Variants in RAB11FIP1 observed in about 807,000 individuals in gnomAD.
RAB11FIP1 encodes RAB11 family interacting protein 1, also known as rab11 family-interacting protein 1.
Under a neutral mutation model 83.1 loss-of-function variants are expected in RAB11FIP1, and 49 were observed. That is an observed-to-expected ratio of 0.59 (90% confidence interval 0.47 to 0.75). The LOEUF (loss-of-function observed/expected upper bound fraction) is 0.75. RAB11FIP1 is among the 30% of genes least tolerant of loss of function. The probability of loss-of-function intolerance (pLI) is 0.00; values close to 1 mark genes in which losing one functional copy is unlikely to be tolerated. For missense variants in RAB11FIP1, 1,536 were observed against 1,598.7 expected (o/e 0.96, Z 0.67); for synonymous variants, 670 against 656.0 (o/e 1.02, Z -0.33).
Position 37,859,413 on chromosome 8 carries a change from T to C in RAB11FIP1, c.*3482A>G, listed in dbSNP as rs189426396. 20 of 152,336 alleles carry C rather than the reference T, an allele frequency of 1.3e-4. No homozygotes were observed. Among genetic ancestry groups the C allele is most frequent in the Admixed American group, 1.2e-3 (19 of 15,296 alleles). The allele number at this position is 152,336 out of a possible 1,614,324, so 9.4% of individuals were successfully genotyped here. A position where few individuals can be genotyped will look rare whatever the true frequency, so the allele number is the denominator to read the frequency against. ...AACTGAGAAGCACATGCCTGTGTCT[T>C]CTTCATACCGGCATGTGCACACACA... On this transcript the variant is annotated 3_prime_UTR_variant, in exon 6 of 6. Coordinates refer to ENST00000330843, the MANE Select transcript of RAB11FIP1 (RefSeq NM_001002814.3).
At chr8:37,863,538 G>A (rs189949675) in intron 5 of RAB11FIP1, among the ~76,000 whole-genome samples, 40 of 152,258 alleles carry the variant, frequency 2.6e-4, no homozygotes, top group African/African-American at 9.4e-4. Context: ...ATGAGCCACC[G>A]TGCCCAGCCA....
At chr8:37,868,264 A>C (rs1806381834) in intron 5 of RAB11FIP1, among the ~76,000 whole-genome samples, 2 of 152,160 alleles carry the variant, frequency 1.3e-5, no homozygotes, top group Non-Finnish European at 2.9e-5. Flanking sequence ...TCTACTAAAA[A>C]TATAAAAATT....
intron 1 of RAB11FIP1, among the ~76,000 whole-genome samples, chr8:37,885,591 T>C (rs1211778852): frequency 2.0e-5 from 3 of 152,168 alleles, no homozygotes; most frequent in African/African-American, 7.2e-5. Context: ...CAAAAAGTCA[T>C]TTAAGTTTTC....
intron 1 of RAB11FIP1, chr8:37,877,789 G>A (rs1481193895): frequency 4.5e-5 from 17 of 380,348 alleles, no homozygotes; most frequent in African/African-American, 2.8e-4. Flanking sequence ...CCACCATCTC[G>A]GCTCACTGCA....
In RAB11FIP1 at chr8:37,894,291, C is replaced by T. The variant is rs372411025; in HGVS notation, c.371+4780G>A. ...TATGGACCTCTGTGGTCATCTATGT[C>T]GTTTTTCTGCATCCAACTCTCCCAG... On this transcript the variant is annotated intron_variant, in intron 1 of 5. Coordinates refer to ENST00000330843, the MANE Select transcript of RAB11FIP1 (RefSeq NM_001002814.3). Among the ~76,000 whole-genome samples, 8 of 152,214 alleles carry T rather than the reference C, an allele frequency of 5.3e-5. No homozygotes were observed. The East Asian group carries it at 9.6e-4, about 18-fold the overall frequency.
intron 1 of RAB11FIP1, among the ~76,000 whole-genome samples, chr8:37,889,775 A>G (rs914621913): frequency 6.6e-6 from 1 of 152,140 alleles, no homozygotes; most frequent in African/African-American, 2.4e-5. Flanking sequence ...GGAAGGGAAA[A>G]TAATTACACC....
rs1191568711 is a variant in RAB11FIP1 at position 37,859,895 on chromosome 8, C to T, written c.*3000G>A. On this transcript the variant is annotated 3_prime_UTR_variant, in exon 6 of 6. Coordinates refer to ENST00000330843, the MANE Select transcript of RAB11FIP1 (RefSeq NM_001002814.3). ...ACTAATGTCTCCTAATGGCTCAGAA[C>T]AGGCTAAAGCTTCTCCCAGATAACC... 6.6e-6 allele frequency: 1 copy of T among 152,334 alleles called. No homozygotes were observed. The highest frequency in any genetic ancestry group is 1.5e-5 in the Non-Finnish European group (1 of 68,058). The allele number at this position is 152,334 out of a possible 1,614,324, so 9.4% of individuals were successfully genotyped here.
intron 1 of RAB11FIP1, among the ~76,000 whole-genome samples, chr8:37,897,857 G>A (rs1807122588): frequency 6.6e-6 from 1 of 152,166 alleles, no homozygotes; most frequent in East Asian, 1.9e-4. Flanking sequence ...CAAGTATGAG[G>A]TAGGGGAAGG....
chr8:37,894,947 C>G (rs1398022289), intron 1 of RAB11FIP1, among the ~76,000 whole-genome samples: 1 of 149,338 alleles, frequency 6.7e-6, no homozygotes, highest in Non-Finnish European at 1.5e-5. Flanking sequence ...TTAGTAGAGA[C>G]AGGGTTCACC....
chr8:37,859,880 C>T lies in RAB11FIP1; in HGVS notation c.*3015G>A, dbSNP rs1016858286. 6.6e-6 allele frequency: 1 copy of T among 152,244 alleles called. No individual in the cohort carries two copies. Among genetic ancestry groups the T allele is most frequent in the African/African-American group, 2.4e-5 (1 of 41,448 alleles). 9.4% of individuals were successfully genotyped at this position (152,244 alleles called of 1,614,324 possible). A position where few individuals can be genotyped will look rare whatever the true frequency, so the allele number is the denominator to read the frequency against. On this transcript the variant is annotated 3_prime_UTR_variant, in exon 6 of 6. Coordinates refer to ENST00000330843, the MANE Select transcript of RAB11FIP1 (RefSeq NM_001002814.3). ...CCAGTGCTCCAATTCACTAATGTCT[C>T]CTAATGGCTCAGAACAGGCTAAAGC... is the stretch of plus-strand genomic sequence containing the variant.
In RAB11FIP1 at chr8:37,874,666, T is replaced by G; in HGVS notation, c.1471A>C (p.Thr491Pro). Residue 491 changes from threonine to proline, a missense_variant, in exon 3 of 6, where the codon ACT (threonine) becomes CCT (proline). Thr to Pro is a conservative substitution (Grantham distance 38, BLOSUM62 -1). Transcript: ENST00000330843. ...CCCTGTCTGGAGACAACAGCTGCAG[T>G]ATCTTTCTCAGATCTTCTCACAAGG... ...EDLVRRSEKDTAAVVSRQGSS... is the reference protein window; with the variant it reads ...EDLVRRSEKDPAAVVSRQGSS... 1 of 1,614,210 alleles carries G rather than the reference T, an allele frequency of 6.2e-7. No homozygotes were observed. The highest frequency in any genetic ancestry group is 8.5e-7 in the Non-Finnish European group (1 of 1,180,028).
At chr8:37,866,221 G>C (rs952030263) in intron 5 of RAB11FIP1, among the ~76,000 whole-genome samples, 2 of 152,026 alleles carry the variant, frequency 1.3e-5, no homozygotes. Context: ...TGTAGTCCCA[G>C]CTACTCGGGA....
In RAB11FIP1 at chr8:37,861,189, T is replaced by TAA. The variant is rs76238618; in HGVS notation, c.*1704_*1705dup. Reference sequence around the variant, plus strand: ...CTAAGAAGGAAGCAAGTGCCCTAGTTAAAAAAAAAAAAAGTCTATAAATCT... The same window carrying TAA: ...CTAAGAAGGAAGCAAGTGCCCTAGTTAAAAAAAAAAAAAAAGTCTATAAATCT... On this transcript the variant is annotated 3_prime_UTR_variant, in exon 6 of 6. Coordinates refer to ENST00000330843, the MANE Select transcript of RAB11FIP1 (RefSeq NM_001002814.3). 1,137 of 142,214 alleles carry TAA rather than the reference T, an allele frequency of 8.0e-3. 20 individuals are homozygous for TAA. Among genetic ancestry groups the TAA allele is most frequent in the African/African-American group, 0.028 (1,084 of 38,906 alleles). 8.8% of individuals were successfully genotyped at this position (142,214 alleles called of 1,614,324 possible).
At chr8:37,866,095 G>A (rs1417368646) in intron 5 of RAB11FIP1, among the ~76,000 whole-genome samples, 1 of 152,136 alleles carries the variant, frequency 6.6e-6, no homozygotes, top group Non-Finnish European at 1.5e-5. Context: ...CAGCACTTTG[G>A]GAGGCTGAAG....
At position 37,871,655 on chromosome 8, in the gene RAB11FIP1, G is replaced by T. The variant is rs543082155; in HGVS notation, c.3147C>A (p.Phe1049Leu). Residue 1049 changes from phenylalanine to leucine, a missense_variant, in exon 4 of 6, where the codon TTC (phenylalanine) becomes TTA (leucine). Transcript: ENST00000330843. ...TGCCAAGATGTGGTTTGTGAATTCCGAACTCTGTGGTCTGCTCTGAAGGAG... is the reference window on the plus strand; with the variant it reads ...TGCCAAGATGTGGTTTGTGAATTCCTAACTCTGTGGTCTGCTCTGAAGGAG... ...VTAPSEQTTE[F>L]GIHKPHLGKS... 3 of 1,612,140 alleles carry T rather than the reference G, an allele frequency of 1.9e-6. No individual in the cohort carries two copies. The highest frequency in any genetic ancestry group is 2.5e-6 in the Non-Finnish European group (3 of 1,178,606).
At chr8:37,887,649 C>T (rs1806860582) in intron 1 of RAB11FIP1, among the ~76,000 whole-genome samples, 1 of 151,822 alleles carries the variant, frequency 6.6e-6, no homozygotes, top group Non-Finnish European at 1.5e-5. Context: ...AGCTGAGAAA[C>T]CTTAGGCAAG....
At chr8:37,876,212 A>AG (rs757823171) in intron 2 of RAB11FIP1, among the ~76,000 whole-genome samples, 186 of 141,584 alleles carry the variant, frequency 1.3e-3, no homozygotes, top group East Asian at 0.01. Context: ...AAGAAAAGAA[A>AG]GAAAGGAAGG....
At position 37,871,415 on chromosome 8, in the gene RAB11FIP1, T is replaced by G; in HGVS notation, c.3387A>C (p.Lys1129Asn). 6.2e-7 allele frequency: 1 copy of G among 1,612,918 alleles called. No homozygotes were observed. The highest frequency in any genetic ancestry group is 2.2e-5 in the East Asian group (1 of 44,868). ...TACCAGCGGAGCCCTCTGCTGTGGCTTTTTTTTGAGATTCTGCTGTGCTGG... is the reference window on the plus strand; with the variant it reads ...TACCAGCGGAGCCCTCTGCTGTGGCGTTTTTTTGAGATTCTGCTGTGCTGG... The part of the protein sequence containing the change: ...HHTSTAESQK[K>N]ATAEGSAGRV... Residue 1129 changes from lysine to asparagine, a missense_variant, in exon 4 of 6, where the codon AAA (lysine) becomes AAC (asparagine). Lys to Asn is a moderately conservative substitution (Grantham distance 94). Coordinates refer to ENST00000330843, the MANE Select transcript of RAB11FIP1 (RefSeq NM_001002814.3).
In RAB11FIP1 at chr8:37,874,410, T is replaced by C. The variant is rs548371738; in HGVS notation, c.1622+105A>G. ...TAGACCAGCAAACCTTTGGCATATA[T>C]GGGTACTATGATATCATGGGACCCA... On this transcript the variant is annotated intron_variant, in intron 3 of 5. Transcript: ENST00000330843. 2.3e-5 allele frequency: 20 copies of C among 870,976 alleles called. No individual in the cohort carries two copies. In the East Asian group the frequency reaches 4.4e-4, roughly 19 times the overall value. The allele number at this position is 870,976 out of a possible 1,614,324, so 54.0% of individuals were successfully genotyped here. A position where few individuals can be genotyped will look rare whatever the true frequency, so the allele number is the denominator to read the frequency against.
Sources: allele counts gnomAD v4.1 joint callset (sites outside exome capture counted in the v4.1 genomes callset), GRCh38; gene constraint gnomAD v4.1.1; transcripts MANE v1.5; gene names NCBI Gene and HGNC (gene_info 2026-07-23, HGNC 2026-07-21).